The following ELL variants were observed in gnomAD, a reference collection of about 807,000 sequenced individuals.
The protein encoded by ELL is elongation factor for RNA polymerase II.
A neutral mutation model predicts 64.0 loss-of-function variants in ELL; 18 were observed. The ratio of observed to expected loss-of-function variants is 0.28; its 90% CI spans 0.19 to 0.42. ELL has a LOEUF of 0.42. Ranked by LOEUF, ELL falls within the 10% of genes least tolerant of loss-of-function variation. The pLI, the probability that ELL is intolerant of heterozygous loss-of-function variation, is 1.00. For synonymous variants in ELL, 399 were observed against 376.2 expected (o/e 1.06, Z -0.70); for missense variants, 797 against 870.4 (o/e 0.92, Z 1.06).
intron 10 of ELL, 132 bp downstream of exon 10, chr19:18,446,177 C>T (rs1008878220): frequency 4.2e-5 from 49 of 1,157,828 alleles, no homozygotes; most frequent in Non-Finnish European, 5.7e-5. Context: ...TGGAGTGCAC[C>T]AGGGGGAGAA....
intron 1 of ELL, among the ~76,000 whole-genome samples, chr19:18,515,007 A>G (rs569073528): frequency 1.3e-5 from 2 of 152,344 alleles, no homozygotes; most frequent in South Asian, 4.1e-4. Context: ...GTGTGATGTC[A>G]AAACTGCTTC....
chr19:18,503,711 G>A (rs533991815), intron 1 of ELL, among the ~76,000 whole-genome samples: 20 of 152,296 alleles, frequency 1.3e-4, no homozygotes, highest in African/African-American at 4.8e-4. Context: ...GAGCCAGCGG[G>A]AGTGGAGAAT....
chr19:18,450,862 A>C lies in ELL; in HGVS notation c.1080T>G (p.Asn360Lys), dbSNP rs533826589. The C allele has an allele frequency of 6.3e-7, 1 of 1,589,582 alleles. No homozygotes were observed. The highest frequency in any genetic ancestry group is 1.1e-5 in the South Asian group (1 of 88,920). The part of the protein sequence containing the change: ...PAVNGKLGVP[N>K]GREALLPTPG... Reference sequence around the variant, plus strand: ...GGGTGGGCAGCAAGGCCTCACGGCCATTGGGCACGCCCAGCTTCCCGTTGA... The same window carrying C: ...GGGTGGGCAGCAAGGCCTCACGGCCCTTGGGCACGCCCAGCTTCCCGTTGA... Residue 360 changes from asparagine to lysine, a missense_variant, in exon 8 of 12, where the codon AAT becomes AAG. By Grantham distance (94) the Asn-to-Lys change is moderately conservative (BLOSUM62 0). Coordinates refer to ENST00000262809, the MANE Select transcript of ELL (RefSeq NM_006532.4).
intron 1 of ELL, among the ~76,000 whole-genome samples, chr19:18,481,050 C>T (rs941458632): frequency 1.3e-5 from 2 of 152,294 alleles, no homozygotes; most frequent in Non-Finnish European, 2.9e-5. Context: ...GGCCTCTACA[C>T]GCTCCACGCA....
chr19:18,503,667 G>A (rs1203457705), intron 1 of ELL, among the ~76,000 whole-genome samples: 1 of 152,184 alleles, frequency 6.6e-6, no homozygotes, highest in African/African-American at 2.4e-5. Context: ...GAGCAGTGGT[G>A]GGAAGGGACG....
intron 2 of ELL, among the ~76,000 whole-genome samples, chr19:18,467,843 C>T (rs1406536687): frequency 3.9e-5 from 4 of 103,100 alleles, no homozygotes; most frequent in Non-Finnish European, 7.8e-5. Context: ...CACGATCTCC[C>T]TACACACAAC....
chr19:18,502,831 G>C (rs1025482417), intron 1 of ELL, among the ~76,000 whole-genome samples: 1 of 152,206 alleles, frequency 6.6e-6, no homozygotes, highest in African/African-American at 2.4e-5. Flanking sequence ...AGGAGTTTTG[G>C]GCCATCAATG....
intron 10 of ELL, 151 bp from the exon 11 acceptor site, chr19:18,445,419 G>C: frequency 1.2e-6 from 1 of 804,038 alleles, no homozygotes; most frequent in Non-Finnish European, 2.1e-6. Context: ...GGCCCACAGC[G>C]GCTGTAGCTC....
chr19:18,520,667 G>C (rs952596723), intron 1 of ELL, among the ~76,000 whole-genome samples: 2 of 151,870 alleles, frequency 1.3e-5, no homozygotes, highest in African/African-American at 4.8e-5. Flanking sequence ...CAGGAAGAAA[G>C]CCACATTCCT....
At chr19:18,510,360 G>A (rs1975990981) in intron 1 of ELL, among the ~76,000 whole-genome samples, 1 of 152,198 alleles carries the variant, frequency 6.6e-6, no homozygotes, top group Non-Finnish European at 1.5e-5. Context: ...GTGACAGAGT[G>A]AGACTCGGTC....
intron 1 of ELL, among the ~76,000 whole-genome samples, chr19:18,514,151 G>T (rs886424813): frequency 2.6e-5 from 4 of 151,988 alleles, no homozygotes; most frequent in African/African-American, 9.7e-5. Flanking sequence ...AGGTCTCTAG[G>T]ACGCTTTTAT....
At chr19:18,488,106 C>T (rs1321291822) in intron 1 of ELL, among the ~76,000 whole-genome samples, 1 of 152,218 alleles carries the variant, frequency 6.6e-6, no homozygotes, top group Non-Finnish European at 1.5e-5. Context: ...AGAAACATGC[C>T]TGAAGGCACC....
At chr19:18,471,528 C>T (rs1360861139) in intron 2 of ELL, among the ~76,000 whole-genome samples, 17 of 152,274 alleles carry the variant, frequency 1.1e-4, no homozygotes, top group Admixed American at 1.0e-3. Flanking sequence ...ATTAGCCAGG[C>T]ATGGTGGCAG....
intron 1 of ELL, among the ~76,000 whole-genome samples, chr19:18,492,642 T>C (rs1460510886): frequency 3.9e-5 from 6 of 152,208 alleles, no homozygotes; most frequent in Admixed American, 3.3e-4. Flanking sequence ...ATAACTCTCC[T>C]GACACACAAG....
At chr19:18,481,052 C>G (rs570977583) in intron 1 of ELL, among the ~76,000 whole-genome samples, 209 of 152,310 alleles carry the variant, frequency 1.4e-3, no homozygotes, top group Non-Finnish European at 1.6e-3. Flanking sequence ...CCTCTACACG[C>G]TCCACGCACC....
rs185712276 is a variant in ELL, at chr19:18,478,836, A to T, written c.136-5954T>A. Reference sequence around the variant, plus strand: ...TGGGCGCCCACTGGGGCTACTGAACACAGACTGGGAGACTCCTGTAGGCAG... The same window carrying T: ...TGGGCGCCCACTGGGGCTACTGAACTCAGACTGGGAGACTCCTGTAGGCAG... On this transcript the variant is annotated intron_variant, in intron 1 of 11. Transcript: ENST00000262809. Among the ~76,000 whole-genome samples the T allele has an allele frequency of 4.6e-5, 7 of 152,356 alleles. No individual in the cohort carries two copies. The East Asian group carries it at 1.3e-3, about 29-fold the overall frequency.
At chr19:18,515,246 A>G (rs1400777572) in intron 1 of ELL, among the ~76,000 whole-genome samples, 1 of 152,182 alleles carries the variant, frequency 6.6e-6, no homozygotes, top group African/African-American at 2.4e-5. Context: ...CTCTTCTAGC[A>G]CCTTCTGGGA....
rs563546343 is a variant in ELL, at chr19:18,454,840, C to CAAAAAAAAAAAA, written c.870-3204_870-3193dup. Among the ~76,000 whole-genome samples the CAAAAAAAAAAAA allele has an allele frequency of 4.0e-3, 227 of 56,456 alleles. 7 individuals are homozygous for CAAAAAAAAAAAA. The highest frequency in any genetic ancestry group is 0.024 in the Admixed American group (109 of 4,556). The allele number at this position is 56,456 out of a possible 152,430, so 37.0% of individuals were successfully genotyped here. On this transcript the variant is annotated intron_variant, in intron 6 of 11. Transcript: ENST00000262809. ...TGGGCAACAGAGTGAGACTCAGTCT[C>CAAAAAAAAAAAA]AAAAAAAAAAAAAAAAAAGGCATCC...
At position 18,501,889 on chromosome 19, in the gene ELL, T is replaced by C. The variant is rs1476281132; in HGVS notation, c.135+20032A>G. ...GGGCACCAGTGACCAGGACAGCCCT[T>C]TCCAAAAGAAGGCCCTGAACACAGT... On this transcript the variant is annotated intron_variant, in intron 1 of 11. Coordinates refer to ENST00000262809, the MANE Select transcript of ELL (RefSeq NM_006532.4). This position sits in a 1 kb window ranked among gnomAD's most constrained non-coding sequence, Gnocchi z 4.5. Among the ~76,000 whole-genome samples, 1 of 151,944 alleles carries C rather than the reference T, an allele frequency of 6.6e-6. No individual in the cohort carries two copies. Among genetic ancestry groups the C allele is most frequent in the Non-Finnish European group, 1.5e-5 (1 of 67,984 alleles).
Sources: gnomAD v4.1 joint callset for allele counts (sites outside exome capture counted in the v4.1 genomes callset) on GRCh38, gnomAD v4.1.1 for gene constraint, Gnocchi (gnomAD v3.1) non-coding constraint, MANE v1.5 for transcripts, NCBI Gene and HGNC (gene_info 2026-07-23, HGNC 2026-07-21) for gene names.